ACTN1: variants seen among roughly 807,000 people sequenced by gnomAD.
ACTN1 encodes alpha-actinin-1.
Under a neutral mutation model 119.6 loss-of-function variants are expected in ACTN1, and 30 were observed. The ratio of observed to expected loss-of-function variants is 0.25; its 90% CI spans 0.19 to 0.34. The LOEUF (loss-of-function observed/expected upper bound fraction) is 0.34. ACTN1 is among the 10% of genes least tolerant of loss of function. ACTN1 has a pLI of 1.00. For missense variants in ACTN1, 764 were observed against 1,223.4 expected, an observed-to-expected ratio of 0.62 and a Z score of 5.60; for synonymous variants, 429 against 472.6, an observed-to-expected ratio of 0.91 and a Z score of 1.20.
intron 16 of ACTN1, chr14:68,881,218 A>C (rs1290312301): frequency 2.2e-5 from 10 of 458,832 alleles, no homozygotes; most frequent in Non-Finnish European, 3.9e-5. Flanking sequence ...CATTGGATGA[A>C]ATACCTACCA....
chr14:68,901,207 GTTTTTTTTTGT>G lies in ACTN1; in HGVS notation c.762+1259_762+1269del, dbSNP rs1162267100. 7.7e-4 allele frequency among the ~76,000 whole-genome samples: 105 copies of G among 136,172 alleles called. 2 individuals carry two copies. The East Asian group carries it at 0.016, about 21-fold the overall frequency. The allele number at this position is 136,172 out of a possible 152,430, so 89.3% of individuals were successfully genotyped here. ...TCATGCATTTTTTTTTTGTTTTATG[GTTTTTTTTTGT>G]TTTTTTTTTGTTTTGTTTTGTTTTT... On this transcript the variant is annotated intron_variant, in intron 8 of 21. Transcript: ENST00000394419.
rs552765684 is a variant in ACTN1 at position 68,909,277 on chromosome 14, T to G, written c.594+41A>C. 4 of 1,601,794 alleles carry G rather than the reference T, an allele frequency of 2.5e-6. No individual in the cohort carries two copies. The African/African-American group carries it at 4.0e-5, about 16-fold the overall frequency. ...AGTCCTGCTCTTTTCCCACCCCACC[T>G]GCCAGGGACCCAAAGCGGGTGGTCA... On this transcript the variant is annotated intron_variant, in intron 6 of 21. Transcript: ENST00000394419. The surrounding 1 kb of genome is among the most constrained non-coding windows in gnomAD (Gnocchi z 4.1).
intron 1 of ACTN1, among the ~76,000 whole-genome samples, chr14:68,961,051 C>G (rs1417805191): frequency 7.9e-5 from 12 of 152,154 alleles, no homozygotes; most frequent in Admixed American, 7.9e-4. Flanking sequence ...GCCTGGGTAA[C>G]AGAGTGAGAC....
Position 68,884,257 on chromosome 14 carries a change from TG to T in ACTN1, c.1545del (p.Lys516SerfsTer32). ...ETIDQLYLEYAKRAAPFNNWM... is the reference protein window; with the variant it reads ...ETIDQLYLEYXKRAAPFNNWM... The stretch of plus-strand genomic sequence containing the variant: ...CAGTTGTTGAAGGGTGCAGCCCGCT[TG>T]GCATACTCCAAGTACAGCTGGTCAA... On this transcript the variant is annotated frameshift_variant, in exon 14 of 22. Coordinates refer to ENST00000394419, the MANE Select transcript of ACTN1 (RefSeq NM_001130004.2). LOFTEE classifies it high-confidence loss of function. 1 of 1,614,126 alleles carries T rather than the reference TG, an allele frequency of 6.2e-7. No individual in the cohort carries two copies. Among genetic ancestry groups the T allele is most frequent in the Non-Finnish European group, 8.5e-7 (1 of 1,180,006 alleles).
At chr14:68,946,171 A>C (rs1038601703) in intron 1 of ACTN1, among the ~76,000 whole-genome samples, 1 of 151,988 alleles carries the variant, frequency 6.6e-6, no homozygotes, top group Non-Finnish European at 1.5e-5. Flanking sequence ...CTCCGCTCAC[A>C]GCCCACCAGC....
At chr14:68,949,325 G>A (rs1369364225) in intron 1 of ACTN1, among the ~76,000 whole-genome samples, 6 of 152,190 alleles carry the variant, frequency 3.9e-5, no homozygotes, top group Non-Finnish European at 8.8e-5. Flanking sequence ...AGGTCAGGAG[G>A]AAGGAAGGGT....
chr14:68,878,489 CG>C lies in ACTN1; in HGVS notation c.2395del (p.Arg799AlafsTer4). 6.3e-7 allele frequency: 1 copy of C among 1,580,688 alleles called. No homozygotes were observed. The highest frequency in any genetic ancestry group is 8.6e-7 in the Non-Finnish European group (1 of 1,161,666). ...KTGMMDTDDFRACLISMGYNM... is the reference protein window; with the variant it reads ...KTGMMDTDDFXACLISMGYNM... ...GTAACCCATGGAGATCAGGCAGGCGCGGAAATCATCCGTGTCCATCATGCCT... is the reference window on the plus strand; with the variant it reads ...GTAACCCATGGAGATCAGGCAGGCGCGAAATCATCCGTGTCCATCATGCCT... On this transcript the variant is annotated frameshift_variant, in exon 20 of 22. Transcript: ENST00000394419. LOFTEE classifies it high-confidence loss of function. This position sits in a 1 kb window ranked among gnomAD's most constrained non-coding sequence, Gnocchi z 4.4.
At chr14:68,906,071 G>A (rs906880822) in intron 6 of ACTN1, among the ~76,000 whole-genome samples, 4 of 141,808 alleles carry the variant, frequency 2.8e-5, no homozygotes, top group Non-Finnish European at 6.0e-5. Flanking sequence ...GCCAGAGGCC[G>A]GGGGGGCAGG....
In ACTN1 at chr14:68,908,023, T is replaced by C. The variant is rs76766419; in HGVS notation, c.594+1295A>G. ...CAGGAAGGTTCTCTTTTTTTTTTTT[T>C]CCTTGCAAAGCAGCTGAGGAGGTGG... On this transcript the variant is annotated intron_variant, in intron 6 of 21. Coordinates refer to ENST00000394419, the MANE Select transcript of ACTN1 (RefSeq NM_001130004.2). Among the ~76,000 whole-genome samples, 11 of 152,072 alleles carry C rather than the reference T, an allele frequency of 7.2e-5. No individual in the cohort carries two copies. In the East Asian group the frequency reaches 2.1e-3, roughly 29 times the overall value.
chr14:68,877,304 C>G, intron 20 of ACTN1, 64 bp from the exon 21 acceptor site: 1 of 1,590,414 alleles, frequency 6.3e-7, no homozygotes. Context: ...CTCATATGGA[C>G]TGAAGACCCT....
At chr14:68,895,319 C>A (rs1235469789) in intron 8 of ACTN1, among the ~76,000 whole-genome samples, 1 of 152,184 alleles carries the variant, frequency 6.6e-6, no homozygotes, top group Non-Finnish European at 1.5e-5. Context: ...ACCCACAACT[C>A]CTGACTGATC....
chr14:68,905,977 C>A (rs1405216930), intron 6 of ACTN1, among the ~76,000 whole-genome samples: 1 of 135,930 alleles, frequency 7.4e-6, no homozygotes, highest in East Asian at 2.0e-4. Flanking sequence ...AGCAAGACCT[C>A]GTCTCAAAAA....
At chr14:68,943,274 A>G (rs910761202) in intron 1 of ACTN1, among the ~76,000 whole-genome samples, 1 of 152,180 alleles carries the variant, frequency 6.6e-6, no homozygotes, top group Non-Finnish European at 1.5e-5. Flanking sequence ...GTCTGTGGGA[A>G]CTTCCATTTC....
Position 68,875,005 on chromosome 14 carries a change from T to G in ACTN1, c.2599A>C (p.Met867Leu). The G allele has an allele frequency of 6.2e-7, 1 of 1,613,398 alleles. No individual in the cohort carries two copies. Among genetic ancestry groups the G allele is most frequent in the South Asian group, 1.1e-5 (1 of 91,088 alleles). The change falls in exon 22 of 22, where the codon ATG (methionine) becomes CTG (leucine). Residue 867 changes from methionine to leucine, a missense_variant. This residue lies in a region of ACTN1 where 102 missense variants were observed against 78.2 expected (regional missense o/e 1.30). Coordinates refer to ENST00000394419, the MANE Select transcript of ACTN1 (RefSeq NM_001130004.2). ...GGCAGCTCGCGGCGCAGCTCGTCCATGGTAATGTAGTTCTGCGAGGAGAGA... is the reference window on the plus strand; with the variant it reads ...GGCAGCTCGCGGCGCAGCTCGTCCAGGGTAATGTAGTTCTGCGAGGAGAGA... ...ILAGDKNYIT[M>L]DELRRELPPD...
chr14:68,968,176 T>C (rs536871440), intron 1 of ACTN1, among the ~76,000 whole-genome samples: 52 of 152,282 alleles, frequency 3.4e-4, no homozygotes, highest in Middle Eastern at 3.4e-3. Flanking sequence ...GAGAGTAAGA[T>C]ACTGAGACTG....
In ACTN1 at chr14:68,909,183, C is replaced by T; in HGVS notation, c.594+135G>A. 2.5e-6 allele frequency: 2 copies of T among 802,204 alleles called. No homozygotes were observed. Among genetic ancestry groups the T allele is most frequent in the Admixed American group, 2.4e-5 (1 of 41,370 alleles). 49.7% of individuals were successfully genotyped at this position (802,204 alleles called of 1,614,324 possible). ...GTTTTCTCTTCACTTTCAGTTGGGG[C>T]TCTGTCTGGCTATTCTAAGAGGCCA... On this transcript the variant is annotated intron_variant, in intron 6 of 21. Transcript: ENST00000394419. This position sits in a 1 kb window ranked among gnomAD's most constrained non-coding sequence, Gnocchi z 4.1.
At chr14:68,976,408 TCACCTGTAATAC>T (rs2037061807) in intron 1 of ACTN1, among the ~76,000 whole-genome samples, 1 of 152,146 alleles carries the variant, frequency 6.6e-6, no homozygotes, top group Admixed American at 6.5e-5. Context: ...GTCTTATCCC[TCACCTGTAATAC>T]CACCTCCTTA....
intron 1 of ACTN1, among the ~76,000 whole-genome samples, chr14:68,927,989 C>A (rs118082329): frequency 6.6e-6 from 1 of 152,100 alleles, no homozygotes; most frequent in East Asian, 1.9e-4. Context: ...CAGCACTGAA[C>A]CTTCAGCCTA....
Position 68,880,477 on chromosome 14 carries a change from A to ACACG in ACTN1, c.2133+332_2133+333insCGTG, listed in dbSNP as rs10680700. Among the ~76,000 whole-genome samples, 1 of 150,614 alleles carries ACACG rather than the reference A, an allele frequency of 6.6e-6. No individual in the cohort carries two copies. Among genetic ancestry groups the ACACG allele is most frequent in the Admixed American group, 6.6e-5 (1 of 15,114 alleles). Reference sequence around the variant, plus strand: ...CGCACACACACATACACACACACACACTCTTGCACAGTTAAAACAAGTAGC... The same window carrying ACACG: ...CGCACACACACATACACACACACACACACGCTCTTGCACAGTTAAAACAAGTAGC... On this transcript the variant is annotated intron_variant, in intron 17 of 21. Coordinates refer to ENST00000394419, the MANE Select transcript of ACTN1 (RefSeq NM_001130004.2). The surrounding 1 kb of genome is among the most constrained non-coding windows in gnomAD (Gnocchi z 4.6).
Sources: allele counts gnomAD v4.1 joint callset (sites outside exome capture counted in the v4.1 genomes callset), GRCh38; gene constraint gnomAD v4.1.1; regional missense constraint gnomAD v4.1.1; non-coding constraint Gnocchi (gnomAD v3.1); transcripts MANE v1.5; gene names NCBI Gene and HGNC (gene_info 2026-07-23, HGNC 2026-07-21).